Variants in DDX52 observed in about 807,000 individuals in gnomAD.
The protein encoded by DDX52 is DExD-box helicase 52, also known as probable ATP-dependent RNA helicase DDX52.
DDX52 carries 59 observed loss-of-function variants against 76.1 expected under a neutral mutation model. The ratio of observed to expected loss-of-function variants is 0.78; its 90% CI spans 0.63 to 0.96. The LOEUF is 0.96. Among genes scored for constraint, DDX52 ranks in the 40% least tolerant of loss-of-function variants. The pLI is 0.00. For synonymous variants in DDX52, 231 were observed against 244.1 expected, an observed-to-expected ratio of 0.95 and a Z score of 0.50; for missense variants, 707 against 703.9, an observed-to-expected ratio of 1.00 and a Z score of -0.05.
At position 37,628,666 on chromosome 17, in the gene DDX52, T is replaced by C; in HGVS notation, c.754A>G (p.Arg252Gly). 6.3e-7 allele frequency: 1 copy of C among 1,590,920 alleles called. No individual in the cohort carries two copies. Among genetic ancestry groups the C allele is most frequent in the Non-Finnish European group, 8.5e-7 (1 of 1,171,958 alleles). ...PTRELASQIH[R>G]ELIKISEGTG... ...CCCTCAGAAATTTTTATTAACTCTCTGTGAATCTAAAAAAAAAAAGATTAA... is the reference window on the plus strand; with the variant it reads ...CCCTCAGAAATTTTTATTAACTCTCCGTGAATCTAAAAAAAAAAAGATTAA... The change falls in exon 6 of 15, where the codon AGA becomes GGA. Residue 252 changes from arginine (R) to glycine (G), a missense_variant. Arg to Gly is a moderately radical substitution (Grantham distance 125). Transcript: ENST00000617633.
At chr17:37,625,866 T>A in intron 8 of DDX52, 29 bp downstream of exon 8, 1 of 1,610,572 alleles carries the variant, frequency 6.2e-7, no homozygotes, top group Non-Finnish European at 8.5e-7. Flanking sequence ...AAAAAATCAG[T>A]GTGATAATGT....
Position 37,642,149 on chromosome 17 carries a change from T to C in DDX52, c.247A>G (p.Arg83Gly). 6.2e-7 allele frequency: 1 copy of C among 1,614,160 alleles called. No homozygotes were observed. Among genetic ancestry groups the C allele is most frequent in the Non-Finnish European group, 8.5e-7 (1 of 1,180,032 alleles). ...TTCCTTTTTTTCTTGCTCTGCTCCC[T>C]CTTCCTTTCAGTTAGGCTCTCTTCT... ...KKEESLTERK[R>G]EQSKKKRKTM... The change falls in exon 2 of 15, where the codon AGG (arginine) becomes GGG (glycine). Residue 83 changes from arginine (R) to glycine (G), a missense_variant. Transcript: ENST00000617633.
intron 6 of DDX52, 151 bp from the exon 7 acceptor site, chr17:37,627,011 A>C: frequency 1.6e-6 from 1 of 633,644 alleles, no homozygotes; most frequent in Non-Finnish European, 2.8e-6. Context: ...TTTCCTTTTA[A>C]TATATCTGAG....
At chr17:37,634,229 G>A (rs796777668) in intron 2 of DDX52, among the ~76,000 whole-genome samples, 2 of 151,968 alleles carry the variant, frequency 1.3e-5, no homozygotes, top group Admixed American at 6.5e-5. Flanking sequence ...GATTACAGGC[G>A]TGAGCCACCG....
chr17:37,642,006 G>A (rs2031223015), intron 2 of DDX52, 104 bp downstream of exon 2: 1 of 1,410,810 alleles, frequency 7.1e-7, no homozygotes, highest in Non-Finnish European at 9.8e-7. Flanking sequence ...AGTGCCATCA[G>A]CTGACAAATG....
In DDX52 at chr17:37,613,465, G is replaced by A. The variant is rs2064390327; in HGVS notation, c.*831C>T. 1 of 152,110 alleles carries A rather than the reference G, an allele frequency of 6.6e-6. No homozygotes were observed. The highest frequency in any genetic ancestry group is 1.5e-5 in the Non-Finnish European group (1 of 68,004). 9.4% of individuals were successfully genotyped at this position (152,110 alleles called of 1,614,324 possible). A position where few individuals can be genotyped will look rare whatever the true frequency, so the allele number is the denominator to read the frequency against. ...AATGGAAAGAGACAGGAAAGAACATGGTTAAATCACAGAAAATGAAGAAAG... is the reference window on the plus strand; with the variant it reads ...AATGGAAAGAGACAGGAAAGAACATAGTTAAATCACAGAAAATGAAGAAAG... On this transcript the variant is annotated 3_prime_UTR_variant, in exon 15 of 15. Coordinates refer to ENST00000617633, the MANE Select transcript of DDX52 (RefSeq NM_007010.5).
At chr17:37,634,124 T>A (rs1269128279) in intron 2 of DDX52, among the ~76,000 whole-genome samples, 1 of 151,450 alleles carries the variant, frequency 6.6e-6, no homozygotes, top group Non-Finnish European at 1.5e-5. Context: ...TTGTTTTGTA[T>A]TTTTAGTAGA....
chr17:37,639,307 A>G (rs2031077514), intron 2 of DDX52: 2 of 759,490 alleles, frequency 2.6e-6, no homozygotes, highest in Non-Finnish European at 3.2e-6. Context: ...CAAAAAGAGA[A>G]AAGTCTCATA....
At position 37,632,128 on chromosome 17, in the gene DDX52, G is replaced by C. The variant is rs1206221197; in HGVS notation, c.588C>G (p.Ile196Met). The change falls in exon 4 of 15, where the codon ATC becomes ATG. Residue 196 changes from isoleucine (I) to methionine (M), a missense_variant. Physicochemically the swap from Ile to Met is conservative, Grantham distance 10. Coordinates refer to ENST00000617633, the MANE Select transcript of DDX52 (RefSeq NM_007010.5). ...QMPTPIQMQA[I>M]PVMLHGRELL... ...TCATACTCACATGCAGCATAACTGGGATGGCTTGCATTTGGATTGGCGTAG... is the reference window on the plus strand; with the variant it reads ...TCATACTCACATGCAGCATAACTGGCATGGCTTGCATTTGGATTGGCGTAG... 1 of 1,612,990 alleles carries C rather than the reference G, an allele frequency of 6.2e-7. No homozygotes were observed. Among genetic ancestry groups the C allele is most frequent in the Non-Finnish European group, 8.5e-7 (1 of 1,179,866 alleles).
At chr17:37,637,118 C>T (rs1192074422) in intron 2 of DDX52, among the ~76,000 whole-genome samples, 3 of 152,070 alleles carry the variant, frequency 2.0e-5, no homozygotes, top group Non-Finnish European at 4.4e-5. Flanking sequence ...ACATGTGCTA[C>T]CACGTGCAGC....
chr17:37,620,781 T>C lies in DDX52; in HGVS notation c.1577+92A>G, dbSNP rs144471811. The C allele has an allele frequency of 1.8e-3, 2,297 of 1,263,316 alleles. 32 individuals carry two copies. In the African/African-American group the frequency reaches 0.031, roughly 17 times the overall value. The allele number at this position is 1,263,316 out of a possible 1,614,324, so 78.3% of individuals were successfully genotyped here. A position where few individuals can be genotyped will look rare whatever the true frequency, so the allele number is the denominator to read the frequency against. ...ACCATTATCAGTAGAATTTGGGACATAGCCATTTTGTAATTATCTCTTAAT... is the reference window on the plus strand; with the variant it reads ...ACCATTATCAGTAGAATTTGGGACACAGCCATTTTGTAATTATCTCTTAAT... On this transcript the variant is annotated intron_variant, in intron 12 of 14. Transcript: ENST00000617633.
At chr17:37,637,097 T>C (rs1374993009) in intron 2 of DDX52, among the ~76,000 whole-genome samples, 1 of 152,130 alleles carries the variant, frequency 6.6e-6, no homozygotes, top group Non-Finnish European at 1.5e-5. Flanking sequence ...CCCAAGTAGC[T>C]GGGACTACAG....
At chr17:37,638,834 A>C (rs1464486953) in intron 2 of DDX52, among the ~76,000 whole-genome samples, 1 of 146,276 alleles carries the variant, frequency 6.8e-6, no homozygotes, top group Non-Finnish European at 1.5e-5. Flanking sequence ...CAGAGGCATG[A>C]TCTCAGCTCA....
At chr17:37,628,980 G>A (rs2030533620) in intron 5 of DDX52, among the ~76,000 whole-genome samples, 2 of 152,174 alleles carry the variant, frequency 1.3e-5, no homozygotes, top group Admixed American at 6.5e-5. Flanking sequence ...CGCTTTGGGA[G>A]GCCAAGGTGG....
At chr17:37,623,155 T>A (rs917386152) in intron 9 of DDX52, among the ~76,000 whole-genome samples, 1 of 152,230 alleles carries the variant, frequency 6.6e-6, no homozygotes, top group Non-Finnish European at 1.5e-5. Flanking sequence ...TATTTCTTCC[T>A]CATCTCTGCC....
intron 2 of DDX52, among the ~76,000 whole-genome samples, chr17:37,636,553 G>A (rs1324842226): frequency 6.6e-6 from 1 of 152,172 alleles, no homozygotes; most frequent in Non-Finnish European, 1.5e-5. Context: ...GGGTGAACTA[G>A]ATCTAGTCTG....
At chr17:37,616,504 A>T (rs1337442212) in intron 14 of DDX52, among the ~76,000 whole-genome samples, 8 of 151,880 alleles carry the variant, frequency 5.3e-5, no homozygotes, top group Admixed American at 3.3e-4. Context: ...AATACAAAAA[A>T]ATTAGCCAGG....
intron 2 of DDX52, chr17:37,639,362 T>C: frequency 2.0e-6 from 2 of 985,396 alleles, no homozygotes; most frequent in Non-Finnish European, 2.4e-6. Flanking sequence ...TAAAAAAATT[T>C]TGTTCCCTTT....
At chr17:37,639,363 T>G (rs1022332088) in intron 2 of DDX52, 8 of 985,364 alleles carry the variant, frequency 8.1e-6, no homozygotes, top group Admixed American at 1.2e-4. Flanking sequence ...AAAAAAATTT[T>G]GTTCCCTTTA....
Sources: allele counts gnomAD v4.1 joint callset (sites outside exome capture counted in the v4.1 genomes callset), GRCh38; gene constraint gnomAD v4.1.1; transcripts MANE v1.5; gene names NCBI Gene and HGNC (gene_info 2026-07-23, HGNC 2026-07-21).